ADAMTSL1: variants seen among roughly 807,000 people sequenced by gnomAD.
ADAMTSL1 encodes ADAMTS-like protein 1.
A neutral mutation model predicts 201.8 loss-of-function variants in ADAMTSL1; 126 were observed. The observed-to-expected ratio is 0.62, with a 90% CI of 0.54 to 0.72. The LOEUF is 0.72. ADAMTSL1 is among the 30% of genes least tolerant of loss of function. ADAMTSL1 has a pLI of 0.00. For synonymous variants in ADAMTSL1, 1,121 were observed against 903.4 expected (o/e 1.24, Z -4.32); for missense variants, 2,679 against 2,277.8 (o/e 1.18, Z -3.59).
chr9:18,719,458 A>G (rs1023879393), intron 14 of ADAMTSL1, among the ~76,000 whole-genome samples: 1 of 151,936 alleles, frequency 6.6e-6, no homozygotes, highest in African/African-American at 2.4e-5. Flanking sequence ...TTCACCTCCC[A>G]TGTTTCAGCA....
At chr9:18,011,198 T>C (rs556482618) in intron 1 of ADAMTSL1, among the ~76,000 whole-genome samples, 31 of 152,050 alleles carry the variant, frequency 2.0e-4, no homozygotes, top group Non-Finnish European at 3.5e-4. Flanking sequence ...TCAGAAAATA[T>C]CTTCTGTAAC....
chr9:18,252,324 C>T (rs957722002), intron 2 of ADAMTSL1, among the ~76,000 whole-genome samples: 8 of 152,102 alleles, frequency 5.3e-5, no homozygotes, highest in African/African-American at 1.9e-4. Flanking sequence ...ACCTCATTTA[C>T]TGGTTACAGA....
At chr9:18,899,540 G>A (rs1433225790) in intron 26 of ADAMTSL1, among the ~76,000 whole-genome samples, 2 of 151,980 alleles carry the variant, frequency 1.3e-5, no homozygotes, top group Non-Finnish European at 2.9e-5. Context: ...CTACCTGACT[G>A]CAAACTATAC....
chr9:18,884,926 T>C (rs1269423673), intron 23 of ADAMTSL1, among the ~76,000 whole-genome samples: 1 of 152,258 alleles, frequency 6.6e-6, no homozygotes, highest in Non-Finnish European at 1.5e-5. Context: ...TTGCAAAATA[T>C]ATCATTGGGA....
intron 2 of ADAMTSL1, among the ~76,000 whole-genome samples, chr9:18,304,318 G>A (rs1443592463): frequency 6.6e-6 from 1 of 151,592 alleles, no homozygotes; most frequent in Non-Finnish European, 1.5e-5. Context: ...ATGCCCTGAG[G>A]GGCCTCAAGG....
At chr9:18,159,912 T>C (rs1417370837) in intron 1 of ADAMTSL1, among the ~76,000 whole-genome samples, 1 of 152,016 alleles carries the variant, frequency 6.6e-6, no homozygotes, top group East Asian at 1.9e-4. Flanking sequence ...GTGACTTTTG[T>C]TTTTATTTTT....
At chr9:17,929,975 A>T (rs1241003576) in intron 1 of ADAMTSL1, among the ~76,000 whole-genome samples, 2 of 152,190 alleles carry the variant, frequency 1.3e-5, no homozygotes, top group African/African-American at 2.4e-5. Flanking sequence ...TGAAAAAAGG[A>T]TTAATGAAAT....
rs555446314 is a variant in ADAMTSL1, at chr9:18,646,807, A to T, written c.834+7396A>T. ...TCGGTTTGCCAGTATTTTATTGAGG[A>T]TTTTTGCATCAATGTTCATCAAGGA... On this transcript the variant is annotated intron_variant, in intron 7 of 28. Transcript: ENST00000380548. Among the ~76,000 whole-genome samples the T allele has an allele frequency of 6.6e-5, 10 of 151,926 alleles. No homozygotes were observed. In the South Asian group the frequency reaches 2.1e-3, roughly 32 times the overall value.
chr9:18,016,745 A>C (rs1269377445), intron 1 of ADAMTSL1, among the ~76,000 whole-genome samples: 1 of 152,044 alleles, frequency 6.6e-6, no homozygotes, highest in East Asian at 1.9e-4. Flanking sequence ...GTTGGTATTT[A>C]GGGTATAAAA....
At chr9:18,684,605 A>T in intron 12 of ADAMTSL1, 111 bp from the exon 13 acceptor site, 1 of 1,217,300 alleles carries the variant, frequency 8.2e-7, no homozygotes, top group Non-Finnish European at 1.1e-6. Flanking sequence ...CCAAAAACTT[A>T]TTCGTGTTGG....
intron 2 of ADAMTSL1, among the ~76,000 whole-genome samples, chr9:18,271,366 C>G (rs1413292298): frequency 6.6e-6 from 1 of 152,028 alleles, no homozygotes; most frequent in Non-Finnish European, 1.5e-5. Context: ...GTGATGTTCC[C>G]TTCCTGTGTC....
chr9:18,267,086 G>C (rs1041468525), intron 2 of ADAMTSL1, among the ~76,000 whole-genome samples: 13 of 152,106 alleles, frequency 8.5e-5, no homozygotes, highest in Non-Finnish European at 2.9e-5. Context: ...TTTGCAAAAA[G>C]AATTGCAGTG....
chr9:18,492,555 A>C (rs969684543), intron 1 of ADAMTSL1, among the ~76,000 whole-genome samples: 1 of 152,224 alleles, frequency 6.6e-6, no homozygotes, highest in Non-Finnish European at 1.5e-5. Flanking sequence ...CTGAAGCTGT[A>C]GGACTGCCTC....
At chr9:18,054,083 C>G (rs1362566763) in intron 1 of ADAMTSL1, among the ~76,000 whole-genome samples, 1 of 151,804 alleles carries the variant, frequency 6.6e-6, no homozygotes, top group Admixed American at 6.6e-5. Flanking sequence ...ATAATTAAAA[C>G]TATTTGCCCA....
intron 4 of ADAMTSL1, among the ~76,000 whole-genome samples, chr9:18,597,907 A>G (rs1305229145): frequency 6.6e-6 from 1 of 152,172 alleles, no homozygotes; most frequent in Non-Finnish European, 1.5e-5. Flanking sequence ...GAGTCAGGAA[A>G]ATCCACCCAG....
chr9:17,947,701 C>A (rs1827563731), intron 1 of ADAMTSL1, among the ~76,000 whole-genome samples: 1 of 152,120 alleles, frequency 6.6e-6, no homozygotes. Context: ...TTTGAAGCAT[C>A]TGATGACAGT....
chr9:18,791,693 C>T (rs1178616390), intron 19 of ADAMTSL1, among the ~76,000 whole-genome samples: 2 of 152,116 alleles, frequency 1.3e-5, no homozygotes, highest in Non-Finnish European at 2.9e-5. Context: ...TAGATTCTGT[C>T]TTAAGACAAT....
In ADAMTSL1 at chr9:17,919,328, G is replaced by C. The variant is rs1826218957; in HGVS notation, c.87+12406G>C. 2.0e-5 allele frequency among the ~76,000 whole-genome samples: 3 copies of C among 151,116 alleles called. No individual in the cohort carries two copies. The South Asian group carries it at 6.3e-4, about 32-fold the overall frequency. ...TACAATTTATGCATTTAAAGTACAT[G>C]TTGCTATTGAGGAATCCAGACTCCA... On this transcript the variant is annotated intron_variant, in intron 1 of 29. Transcript: ENST00000680146.
intron 13 of ADAMTSL1, among the ~76,000 whole-genome samples, chr9:18,692,298 T>C (rs1390132520): frequency 1.3e-5 from 2 of 152,200 alleles, no homozygotes; most frequent in Non-Finnish European, 2.9e-5. Flanking sequence ...TAAATATACT[T>C]GATCTCCATG....
Sources: gnomAD v4.1 joint callset for allele counts (sites outside exome capture counted in the v4.1 genomes callset) on GRCh38, gnomAD v4.1.1 for gene constraint, MANE v1.5 for transcripts, NCBI Gene and HGNC (gene_info 2026-07-23, HGNC 2026-07-21) for gene names.